Variants in SLC22A25 observed in about 807,000 individuals in gnomAD.
SLC22A25 encodes MGI:2442751, MGI:2385316, MGI:3042283, MGI:3645714, MGI:3605624, MGI:2442750.
SLC22A25 carries 44 observed loss-of-function variants against 45.9 expected under a neutral mutation model. That is an observed-to-expected ratio of 0.96 (90% confidence interval 0.75 to 1.23). SLC22A25 has a LOEUF of 1.23. SLC22A25 is among the 50% of genes most tolerant of loss of function. SLC22A25 has a pLI of 0.00. For missense variants in SLC22A25, 800 were observed against 666.4 expected (o/e 1.20, Z -2.21); for synonymous variants, 283 against 238.6 (o/e 1.19, Z -1.72).
At chr11:63,222,728 T>G (rs1198022807) in intron 5 of SLC22A25, among the ~76,000 whole-genome samples, 2 of 152,060 alleles carry the variant, frequency 1.3e-5, no homozygotes. Context: ...TTCAATTTTT[T>G]CCCCATTTCA....
At chr11:63,199,959 G>A (rs79496462) in intron 7 of SLC22A25, among the ~76,000 whole-genome samples, 19,594 of 151,944 alleles carry the variant, frequency 0.13, 1,400 homozygotes, top group East Asian at 0.17. Flanking sequence ...CACTTCCGCT[G>A]TTCTCTGTGT....
intron 7 of SLC22A25, among the ~76,000 whole-genome samples, chr11:63,204,709 T>C (rs1044982274): frequency 1.3e-5 from 2 of 152,008 alleles, no homozygotes; most frequent in African/African-American, 4.8e-5. Context: ...CACTATAATA[T>C]TGGGAGACTT....
At chr11:63,229,091 T>C (rs2090018856) in intron 4 of SLC22A25, among the ~76,000 whole-genome samples, 160 bp downstream of exon 4, 1 of 152,214 alleles carries the variant, frequency 6.6e-6, no homozygotes. Flanking sequence ...ACTCATTAAA[T>C]GTGCAGGTAT....
At chr11:63,192,665 G>T (rs1253982742) in intron 7 of SLC22A25, among the ~76,000 whole-genome samples, 1 of 152,026 alleles carries the variant, frequency 6.6e-6, no homozygotes, top group South Asian at 2.1e-4. Context: ...AAATAAAAAG[G>T]CAGAAAAACC....
intron 1 of SLC22A25, among the ~76,000 whole-genome samples, chr11:63,240,953 A>G (rs951059823): frequency 6.6e-6 from 1 of 152,236 alleles, no homozygotes; most frequent in Admixed American, 6.5e-5. Context: ...CAATTCTACT[A>G]ACTTACACAA....
At chr11:63,220,815 C>G (rs1274612281) in intron 5 of SLC22A25, among the ~76,000 whole-genome samples, 1 of 152,116 alleles carries the variant, frequency 6.6e-6, no homozygotes, top group African/African-American at 2.4e-5. Flanking sequence ...ATTTTACTCT[C>G]TATGTCCATG....
chr11:63,221,163 T>C (rs2089844621), intron 5 of SLC22A25, among the ~76,000 whole-genome samples: 1 of 152,164 alleles, frequency 6.6e-6, no homozygotes, highest in Non-Finnish European at 1.5e-5. Context: ...TGCTGAATCA[T>C]ATAGTAGCTC....
At chr11:63,226,709 C>A (rs539268602) in intron 5 of SLC22A25, among the ~76,000 whole-genome samples, 52 of 152,324 alleles carry the variant, frequency 3.4e-4, no homozygotes, top group Non-Finnish European at 4.7e-4. Context: ...AACCAGCCAA[C>A]CTTGTGTCCT....
At chr11:63,213,311 A>G (rs1016895769) in intron 7 of SLC22A25, among the ~76,000 whole-genome samples, 1 of 152,244 alleles carries the variant, frequency 6.6e-6, no homozygotes, top group Non-Finnish European at 1.5e-5. Flanking sequence ...AGGCCCCAGC[A>G]CTTGGGTTGC....
intron 7 of SLC22A25, among the ~76,000 whole-genome samples, chr11:63,212,588 G>A (rs1050961623): frequency 3.4e-5 from 5 of 147,738 alleles, no homozygotes; most frequent in Non-Finnish European, 5.9e-5. Flanking sequence ...AACACCACAT[G>A]TTCTCACTTA....
At chr11:63,212,843 G>A (rs1361695592) in intron 7 of SLC22A25, among the ~76,000 whole-genome samples, 1 of 151,976 alleles carries the variant, frequency 6.6e-6, no homozygotes, top group African/African-American at 2.4e-5. Flanking sequence ...GGCGGCCTTG[G>A]CCACAGATCT....
intron 9 of SLC22A25, among the ~76,000 whole-genome samples, chr11:63,171,496 C>T (rs931223456): frequency 9.9e-5 from 15 of 152,192 alleles, no homozygotes; most frequent in African/African-American, 3.6e-4. Flanking sequence ...AAATCACAAG[C>T]ATTCCTATTC....
At chr11:63,213,112 C>T (rs1402323055) in intron 7 of SLC22A25, among the ~76,000 whole-genome samples, 1 of 152,128 alleles carries the variant, frequency 6.6e-6, no homozygotes, top group African/African-American at 2.4e-5. Context: ...CATTGCCCAC[C>T]CCAGTTACAA....
chr11:63,219,385 G>A (rs1297142046), intron 5 of SLC22A25, among the ~76,000 whole-genome samples: 5 of 152,090 alleles, frequency 3.3e-5, no homozygotes, highest in South Asian at 2.1e-4. Flanking sequence ...TTTCTTTGAC[G>A]TTTACATAAG....
chr11:63,229,765 C>A lies in SLC22A25; in HGVS notation c.-113G>T. 13 of 1,108,828 alleles carry A rather than the reference C, an allele frequency of 1.2e-5. No individual in the cohort carries two copies. Among genetic ancestry groups the A allele is most frequent in the Non-Finnish European group, 1.5e-5 (12 of 813,908 alleles). The allele number at this position is 1,108,828 out of a possible 1,614,324, so 68.7% of individuals were successfully genotyped here. Reference sequence around the variant, plus strand: ...CACTAAGTGTGTGTGTTGATCCTGACCCCACTCTCTTCTTAATGGGCCCTC... The same window carrying A: ...CACTAAGTGTGTGTGTTGATCCTGAACCCACTCTCTTCTTAATGGGCCCTC... On this transcript the variant is annotated 5_prime_UTR_variant, in exon 4 of 12. Transcript: ENST00000306494.
At chr11:63,169,176 A>G (rs1393081652) in intron 9 of SLC22A25, among the ~76,000 whole-genome samples, 1 of 152,194 alleles carries the variant, frequency 6.6e-6, no homozygotes, top group Non-Finnish European at 1.5e-5. Context: ...GAAGCACTAA[A>G]TATGGGAAGG....
intron 7 of SLC22A25, among the ~76,000 whole-genome samples, chr11:63,207,148 C>T (rs370853668): frequency 1.5e-4 from 23 of 152,178 alleles, no homozygotes; most frequent in African/African-American, 4.8e-4. Flanking sequence ...AAATGTAAGA[C>T]CTAAAGGCAT....
At chr11:63,178,727 A>G (rs1939739) in intron 9 of SLC22A25, among the ~76,000 whole-genome samples, 79,808 of 151,714 alleles carry the variant, frequency 0.53, 22,166 homozygotes, top group Non-Finnish European at 0.63. Context: ...TGTCGGTTGA[A>G]TAGTTTGCAA....
At chr11:63,201,430 G>T (rs981901825) in intron 7 of SLC22A25, among the ~76,000 whole-genome samples, 1 of 152,098 alleles carries the variant, frequency 6.6e-6, no homozygotes, top group Non-Finnish European at 1.5e-5. Flanking sequence ...TTCAATAAAT[G>T]GTGCTATGAT....
Sources: gnomAD v4.1 joint callset for allele counts (sites outside exome capture counted in the v4.1 genomes callset) on GRCh38, gnomAD v4.1.1 for gene constraint, MANE v1.5 for transcripts, NCBI Gene and HGNC (gene_info 2026-07-23, HGNC 2026-07-21) for gene names.